Variants in CEP63 observed in about 807,000 individuals in gnomAD.
CEP63 encodes the protein centrosomal protein of 63 kDa.
Under a neutral mutation model 89.1 loss-of-function variants are expected in CEP63, and 84 were observed. That is an observed-to-expected ratio of 0.94 (90% CI 0.79 to 1.13). CEP63 has a LOEUF of 1.13. CEP63 is among the 50% of genes most tolerant of loss of function. The probability of loss-of-function intolerance (pLI) is 0.00; values close to 1 mark genes in which losing one functional copy is unlikely to be tolerated. For synonymous variants in CEP63, 267 were observed against 272.5 expected (o/e 0.98, Z 0.20); for missense variants, 838 against 813.3 (o/e 1.03, Z -0.37).
At chr3:134,610,611 G>A in the CEP63 span, 3 of 483,794 alleles carry the variant, frequency 6.2e-6, no homozygotes, top group African/African-American at 2.0e-5. Context: ...ACTGGCTGCA[G>A]TCTCCGCTGT....
At chr3:134,726,459 G>A in the CEP63 span, among the ~76,000 whole-genome samples, 1 of 47,036 alleles carries the variant, frequency 2.1e-5, no homozygotes, top group Admixed American at 1.8e-4. Flanking sequence ...CACACAGACA[G>A]ACACACACAC....
the CEP63 span, among the ~76,000 whole-genome samples, chr3:134,711,774 T>G: frequency 6.6e-6 from 1 of 151,408 alleles, no homozygotes; most frequent in South Asian, 2.1e-4. Flanking sequence ...TTCTTTTTTT[T>G]TTTTTTGAGA....
chr3:134,584,999 C>T (rs1347551168), intron 10 of CEP63, among the ~76,000 whole-genome samples: 1 of 130,012 alleles, frequency 7.7e-6, no homozygotes, highest in Non-Finnish European at 1.6e-5. Flanking sequence ...ATAGTATTCT[C>T]TCACGGTAGT....
At chr3:134,498,662 TC>T in intron 2 of CEP63, among the ~76,000 whole-genome samples, 1 of 152,192 alleles carries the variant, frequency 6.6e-6, no homozygotes, top group Non-Finnish European at 1.5e-5. Flanking sequence ...TTTCAGCTTT[TC>T]CCCATCCAGT....
intron 3 of CEP63, among the ~76,000 whole-genome samples, chr3:134,525,287 C>T (rs935676282): frequency 7.2e-5 from 11 of 152,040 alleles, no homozygotes; most frequent in African/African-American, 2.4e-4. Flanking sequence ...ATTAGTCTAG[C>T]TGGTGGTCTG....
the CEP63 span, among the ~76,000 whole-genome samples, chr3:134,614,798 G>T: frequency 1.3e-5 from 2 of 152,128 alleles, no homozygotes; most frequent in African/African-American, 4.8e-5. Flanking sequence ...CAGTACCAAG[G>T]CCAGGCCCCA....
chr3:134,701,407 T>TAC, the CEP63 span, among the ~76,000 whole-genome samples: 1 of 21,062 alleles, frequency 4.7e-5, no homozygotes, highest in Non-Finnish European at 1.7e-4. Flanking sequence ...TATATACATA[T>TAC]ACACACATAT....
At chr3:134,619,202 C>T in the CEP63 span, 21 of 1,613,770 alleles carry the variant, frequency 1.3e-5, no homozygotes, top group East Asian at 1.6e-4. Context: ...CTTCTGGGTC[C>T]GCAGGATGTC....
At chr3:134,683,326 T>C in the CEP63 span, among the ~76,000 whole-genome samples, 35 of 152,318 alleles carry the variant, frequency 2.3e-4, no homozygotes, top group Admixed American at 2.0e-3. Flanking sequence ...GCTAAGAGAC[T>C]ATTCATAGAA....
At chr3:134,725,154 C>A in the CEP63 span, among the ~76,000 whole-genome samples, 1 of 152,138 alleles carries the variant, frequency 6.6e-6, no homozygotes, top group East Asian at 1.9e-4. Flanking sequence ...TATAATTTTT[C>A]TGAATTTTGC....
the CEP63 span, among the ~76,000 whole-genome samples, chr3:134,609,173 T>C: frequency 6.6e-6 from 1 of 151,994 alleles, no homozygotes; most frequent in Non-Finnish European, 1.5e-5. Flanking sequence ...CGCAGTGGGG[T>C]CGTGGGAAGG....
the CEP63 span, among the ~76,000 whole-genome samples, chr3:134,754,048 A>T: frequency 6.6e-6 from 1 of 152,126 alleles, no homozygotes; most frequent in African/African-American, 2.4e-5. Flanking sequence ...CCCTTTATAC[A>T]TTGTTCAGTC....
the CEP63 span, among the ~76,000 whole-genome samples, chr3:134,685,890 C>A: frequency 1.3e-5 from 2 of 152,188 alleles, no homozygotes; most frequent in African/African-American, 4.8e-5. Context: ...AGTGGGGGCA[C>A]CTCTCCCAGA....
chr3:134,692,043 G>A, the CEP63 span, among the ~76,000 whole-genome samples: 2 of 152,160 alleles, frequency 1.3e-5, no homozygotes, highest in Non-Finnish European at 2.9e-5. Flanking sequence ...TATCCCTTTG[G>A]TGTTTGGTGC....
intron 1 of CEP63, among the ~76,000 whole-genome samples, chr3:134,486,937 G>A (rs1935690485): frequency 6.6e-6 from 1 of 152,170 alleles, no homozygotes; most frequent in Non-Finnish European, 1.5e-5. Context: ...GGCTTATAAT[G>A]TGGTTTTTCT....
the CEP63 span, among the ~76,000 whole-genome samples, chr3:134,606,787 G>A: frequency 1.3e-5 from 2 of 151,744 alleles, no homozygotes; most frequent in Admixed American, 1.3e-4. Flanking sequence ...GACCTCTATG[G>A]GAGTCCACGG....
the CEP63 span, among the ~76,000 whole-genome samples, chr3:134,685,793 A>G: frequency 1.3e-5 from 2 of 152,180 alleles, no homozygotes; most frequent in African/African-American, 4.8e-5. Flanking sequence ...ACCCAAGGTG[A>G]TGTCGTGTAC....
chr3:134,732,880 A>G, the CEP63 span, among the ~76,000 whole-genome samples: 1 of 152,204 alleles, frequency 6.6e-6, no homozygotes, highest in African/African-American at 2.4e-5. Context: ...GGTTGTATGG[A>G]TATCAGCAGA....
In CEP63 at chr3:134,558,252, G is replaced by A. The variant is rs1956644733; in HGVS notation, c.1578G>A (p.Gln526=). The A allele has an allele frequency of 6.2e-7, 1 of 1,612,788 alleles. No homozygotes were observed. The highest frequency in any genetic ancestry group is 1.7e-5 in the Admixed American group (1 of 59,990). The part of the protein sequence containing the change: ...LQKDLMNTKS[Q]LEISTQMCKK... ...AAGATTTGATGAATACCAAATCTCAGCTGGAGATTTCTACTCAGATGTGCA... is the reference window on the plus strand; with the variant it reads ...AAGATTTGATGAATACCAAATCTCAACTGGAGATTTCTACTCAGATGTGCA... The change falls in exon 13 of 15, where the codon CAG becomes CAA. Residue 526 remains glutamine (Q), a synonymous_variant. Coordinates refer to ENST00000675561, the MANE Select transcript of CEP63 (RefSeq NM_001353108.3).
Sources: allele counts gnomAD v4.1 joint callset (sites outside exome capture counted in the v4.1 genomes callset), GRCh38; gene constraint gnomAD v4.1.1; transcripts MANE v1.5; gene names NCBI Gene and HGNC (gene_info 2026-07-23, HGNC 2026-07-21).